The following ALOXE3 variants were observed in gnomAD, a reference collection of about 807,000 sequenced individuals.
ALOXE3 encodes arachidonate epidermal lipoxygenase 3.
ALOXE3 carries 78 observed loss-of-function variants against 87.5 expected under a neutral mutation model. The observed-to-expected ratio is 0.89, with a 90% CI of 0.74 to 1.08. The LOEUF (loss-of-function observed/expected upper bound fraction) is 1.08, where lower values mean the gene tolerates loss of function less well. Ranked by LOEUF, ALOXE3 falls within the 50% of genes least tolerant of loss-of-function variation. The probability of loss-of-function intolerance (pLI) is 0.00; values close to 1 mark genes in which losing one functional copy is unlikely to be tolerated. For synonymous variants in ALOXE3, 363 were observed against 370.8 expected, an observed-to-expected ratio of 0.98 and a Z score of 0.24; for missense variants, 946 against 912.4, an observed-to-expected ratio of 1.04 and a Z score of -0.47.
intron 13 of ALOXE3, 51 bp downstream of exon 13, chr17:8,108,417 C>G (rs756023027): frequency 6.2e-7 from 1 of 1,604,272 alleles, no homozygotes. Context: ...TGTGGCCAAG[C>G]AAGTGCTAGC....
At chr17:8,099,975 A>G (rs562886459) in intron 15 of ALOXE3, among the ~76,000 whole-genome samples, 1 of 152,042 alleles carries the variant, frequency 6.6e-6, no homozygotes, top group African/African-American at 2.4e-5. Context: ...CTGGGGTGAG[A>G]GAATTTCTTG....
chr17:8,110,914 C>G (rs866827563), intron 8 of ALOXE3, among the ~76,000 whole-genome samples: 6 of 152,198 alleles, frequency 3.9e-5, no homozygotes, highest in African/African-American at 1.2e-4. Flanking sequence ...AGGAGAATGC[C>G]TGAGGGCTTG....
intron 2 of ALOXE3, 57 bp downstream of exon 2, chr17:8,117,787 C>T: frequency 6.3e-7 from 1 of 1,579,724 alleles, no homozygotes; most frequent in South Asian, 1.1e-5. Context: ...GAATACTCCT[C>T]CCGCCTGCGG....
chr17:8,107,932 A>G (rs1598204773), intron 13 of ALOXE3, among the ~76,000 whole-genome samples: 2 of 5,934 alleles, frequency 3.4e-4, no homozygotes, highest in Non-Finnish European at 9.9e-4. Flanking sequence ...AAAGAAAGAA[A>G]GAAAGAAAGA....
chr17:8,096,311 G>T lies in ALOXE3; in HGVS notation c.*316C>A. On this transcript the variant is annotated 3_prime_UTR_variant, in exon 16 of 16. Transcript: ENST00000448843. ...AGAAAAGCTCAGAAACCCAAGCTGG[G>T]CATTCCAAGAGGCTGGAACAAGAGG... is the stretch of plus-strand genomic sequence containing the variant. 1 of 292,946 alleles carries T rather than the reference G, an allele frequency of 3.4e-6. No homozygotes were observed. The highest frequency in any genetic ancestry group is 5.7e-5 in the South Asian group (1 of 17,648). The allele number at this position is 292,946 out of a possible 1,614,324, so 18.1% of individuals were successfully genotyped here.
intron 2 of ALOXE3, 104 bp downstream of exon 2, chr17:8,117,740 G>T (rs1980723567): frequency 2.6e-6 from 4 of 1,538,192 alleles, no homozygotes; most frequent in East Asian, 4.9e-5. Flanking sequence ...GTCAGGGCCG[G>T]TATCCTGAGT....
chr17:8,109,063 T>C, intron 12 of ALOXE3, 111 bp downstream of exon 12: 3 of 1,479,600 alleles, frequency 2.0e-6, no homozygotes, highest in Non-Finnish European at 2.8e-6. Context: ...GAATTCCCTA[T>C]GCTAGGGTGT....
intron 3 of ALOXE3, 69 bp from the exon 4 acceptor site, chr17:8,115,757 G>T: frequency 6.7e-7 from 1 of 1,494,662 alleles, no homozygotes; most frequent in Non-Finnish European, 9.3e-7. Context: ...AACCTTGCCT[G>T]AACCCCCTGA....
In ALOXE3 at chr17:8,115,692, T is replaced by C. The variant is rs779770141; in HGVS notation, c.353-4A>G. ...GAGTCCTGACAAATAGTTCTTGCTG[T>C]GGGGAATGAAAATTACTCTTGGTAT... On this transcript the variant is annotated splice_region_variant and splice_polypyrimidine_tract_variant and intron_variant, in intron 3 of 15. Coordinates refer to ENST00000448843, the MANE Select transcript of ALOXE3 (RefSeq NM_021628.3). The C allele has an allele frequency of 2.9e-5, 46 of 1,611,962 alleles. No individual in the cohort carries two copies. In the Admixed American group the frequency reaches 7.7e-4, roughly 27 times the overall value.
chr17:8,105,356 G>GGCCT (rs56781147), intron 13 of ALOXE3, among the ~76,000 whole-genome samples: 47,406 of 151,676 alleles, frequency 0.31, 7,431 homozygotes, highest in African/African-American at 0.38. Flanking sequence ...CCTTCCTTCA[G>GGCCT]CTACTAATGC....
chr17:8,104,433 C>A (rs913929253), intron 13 of ALOXE3, among the ~76,000 whole-genome samples: 4 of 152,244 alleles, frequency 2.6e-5, no homozygotes, highest in East Asian at 1.9e-4. Flanking sequence ...GCCAGAAAAT[C>A]CCCGGCAGGC....
chr17:8,109,548 A>G (rs1249604353), intron 11 of ALOXE3, among the ~76,000 whole-genome samples: 2 of 152,118 alleles, frequency 1.3e-5, no homozygotes, highest in African/African-American at 4.8e-5. Flanking sequence ...ATCCTTAGGT[A>G]TTTGGTAACT....
At position 8,114,956 on chromosome 17, in the gene ALOXE3, C is replaced by G. The variant is rs1012877888; in HGVS notation, c.536G>C (p.Cys179Ser). The change falls in exon 5 of 16, where the codon TGT (cysteine) becomes TCT (serine). Residue 179 changes from cysteine to serine, a missense_variant. Physicochemically the swap from Cys to Ser is moderately radical, Grantham distance 112 (BLOSUM62 -1). Coordinates refer to ENST00000448843, the MANE Select transcript of ALOXE3 (RefSeq NM_021628.3). ...KKFALTKTTT[C>S]VDQGDSSGNR... ...TCTTCACCTGTCACCCTGGTCTACACAAGTTGTCGTCTTTGTCAAGGCAAA... is the reference window on the plus strand; with the variant it reads ...TCTTCACCTGTCACCCTGGTCTACAGAAGTTGTCGTCTTTGTCAAGGCAAA... 4.3e-6 allele frequency: 7 copies of G among 1,614,170 alleles called. No homozygotes were observed. The highest frequency in any genetic ancestry group is 5.9e-6 in the Non-Finnish European group (7 of 1,180,034).
chr17:8,105,000 G>C (rs559273274), intron 13 of ALOXE3, among the ~76,000 whole-genome samples: 11 of 152,038 alleles, frequency 7.2e-5, no homozygotes, highest in Non-Finnish European at 1.5e-4. Context: ...AGACTCAGCC[G>C]TGGGCATTAC....
rs1415936650 is a variant in ALOXE3 at position 8,118,036 on chromosome 17, C to T, written c.-46G>A. 2 of 1,600,564 alleles carry T rather than the reference C, an allele frequency of 1.2e-6. No homozygotes were observed. The highest frequency in any genetic ancestry group is 1.1e-5 in the South Asian group (1 of 89,570). ...GCCCCGGCAACGCTGGCCGCAGCAG[C>T]AGCCGGCCTGGAGGAGAAGAGCGGC... On this transcript the variant is annotated 5_prime_UTR_variant, in exon 2 of 16. Coordinates refer to ENST00000448843, the MANE Select transcript of ALOXE3 (RefSeq NM_021628.3).
chr17:8,104,012 A>T (rs920348995), intron 14 of ALOXE3, 103 bp downstream of exon 14: 2 of 993,918 alleles, frequency 2.0e-6, no homozygotes, highest in Non-Finnish European at 3.1e-6. Flanking sequence ...GTCTAATCAT[A>T]AACCCACCCC....
intron 15 of ALOXE3, among the ~76,000 whole-genome samples, chr17:8,097,551 T>TTAC (rs1476091806): frequency 6.6e-6 from 1 of 152,066 alleles, no homozygotes; most frequent in Non-Finnish European, 1.5e-5. Context: ...CTGCCACACT[T>TTAC]TACAGCACAG....
In ALOXE3 at chr17:8,115,470, T is replaced by A. The variant is rs897756481; in HGVS notation, c.434+137A>T. 13 of 861,026 alleles carry A rather than the reference T, an allele frequency of 1.5e-5. No homozygotes were observed. In the Admixed American group the frequency reaches 2.6e-4, roughly 17 times the overall value. 53.3% of individuals were successfully genotyped at this position (861,026 alleles called of 1,614,324 possible). A position where few individuals can be genotyped will look rare whatever the true frequency, so the allele number is the denominator to read the frequency against. On this transcript the variant is annotated intron_variant, in intron 4 of 15. Coordinates refer to ENST00000448843, the MANE Select transcript of ALOXE3 (RefSeq NM_021628.3). ...TTCAGATTCAGGGTCACTATTAAAG[T>A]GGGGTTAGGTCCAAATAAGAGTCCT...
chr17:8,111,235 G>A (rs1381512252), intron 8 of ALOXE3, 124 bp downstream of exon 8: 3 of 1,218,732 alleles, frequency 2.5e-6, no homozygotes, highest in African/African-American at 1.5e-5. Context: ...GCTGCCCAGA[G>A]GATGAGGCCC....
Sources: gnomAD v4.1 joint callset for allele counts (sites outside exome capture counted in the v4.1 genomes callset) on GRCh38, gnomAD v4.1.1 for gene constraint, MANE v1.5 for transcripts, NCBI Gene and HGNC (gene_info 2026-07-23, HGNC 2026-07-21) for gene names.